The following HERC2 variants were observed in gnomAD, a reference collection of about 807,000 sequenced individuals.
HERC2 encodes the protein HECT and RLD domain containing E3 ubiquitin protein ligase 2.
In HERC2, 102 loss-of-function variants were observed where a neutral mutation model predicts 537.7. The observed-to-expected ratio is 0.19, with a 90% CI of 0.16 to 0.22. The LOEUF (loss-of-function observed/expected upper bound fraction) is 0.22, where lower values mean the gene tolerates loss of function less well. Ranked by LOEUF, HERC2 falls within the 10% of genes least tolerant of loss-of-function variation. HERC2 has a pLI of 1.00. For missense variants in HERC2, 4,236 were observed against 6,198.2 expected (o/e 0.68, Z 10.63); for synonymous variants, 2,224 against 2,466.2 (o/e 0.90, Z 2.91).
intron 26 of HERC2, among the ~76,000 whole-genome samples, chr15:28,236,004 A>G (rs1902398726): frequency 6.6e-6 from 1 of 152,218 alleles, no homozygotes; most frequent in Non-Finnish European, 1.5e-5. Flanking sequence ...CTGGTCTGGT[A>G]AAAACACAGT....
chr15:28,142,997 CG>C, intron 74 of HERC2, 45 bp from the exon 75 acceptor site: 1 of 1,592,238 alleles, frequency 6.3e-7, no homozygotes. Flanking sequence ...ATCCAGGTGC[CG>C]GGGAGGCTGA....
At position 28,238,790 on chromosome 15, in the gene HERC2, A is replaced by G. The variant is rs559498148; in HGVS notation, c.3578-18T>C. On this transcript the variant is annotated intron_variant, in intron 23 of 92. Coordinates refer to ENST00000261609, the MANE Select transcript of HERC2 (RefSeq NM_004667.6). ...AAATGACTCTGTATATACAGAAACC[A>G]GAATCAGTCCATTGATCAATCAACA... 47 of 1,570,410 alleles carry G rather than the reference A, an allele frequency of 3.0e-5. No homozygotes were observed. The highest frequency in any genetic ancestry group is 3.8e-5 in the Non-Finnish European group (43 of 1,141,990).
intron 14 of HERC2, among the ~76,000 whole-genome samples, chr15:28,264,035 AAAAC>A (rs1316433192): frequency 8.6e-5 from 13 of 151,254 alleles, no homozygotes; most frequent in Admixed American, 2.6e-4. Context: ...AAAAAAAAAA[AAAAC>A]AAACAAAAAC....
chr15:28,211,655 A>C (rs907069863), intron 43 of HERC2, among the ~76,000 whole-genome samples: 1 of 152,052 alleles, frequency 6.6e-6, no homozygotes, highest in African/African-American at 2.4e-5. Flanking sequence ...TGGCTCAACT[A>C]ACTGGCAGAC....
chr15:28,157,847 A>G (rs563518607), intron 69 of HERC2, among the ~76,000 whole-genome samples: 1 of 152,136 alleles, frequency 6.6e-6, no homozygotes, highest in South Asian at 2.1e-4. Context: ...TGTCAATTTT[A>G]GATCTTTCCT....
intron 45 of HERC2, among the ~76,000 whole-genome samples, chr15:28,205,052 T>C (rs575768971): frequency 0.015 from 2,251 of 150,098 alleles, 50 homozygotes; most frequent in African/African-American, 0.052. Context: ...GCCACCATTG[T>C]ATACATGAGC....
intron 69 of HERC2, among the ~76,000 whole-genome samples, chr15:28,155,667 T>G (rs1379678286): frequency 6.6e-6 from 1 of 151,814 alleles, no homozygotes; most frequent in Non-Finnish European, 1.5e-5. Context: ...TATTAGACCT[T>G]TGTCAGATGA....
chr15:28,124,505 G>T (rs939130460), intron 84 of HERC2, among the ~76,000 whole-genome samples: 1 of 152,188 alleles, frequency 6.6e-6, no homozygotes, highest in African/African-American at 2.4e-5. Flanking sequence ...TTTGGTGTGG[G>T]TTATAAGATA....
At chr15:28,281,155 G>T (rs2076010852) in intron 4 of HERC2, among the ~76,000 whole-genome samples, 1 of 152,100 alleles carries the variant, frequency 6.6e-6, no homozygotes, top group Admixed American at 6.6e-5. Flanking sequence ...GTGAGTAAGT[G>T]ATATTTCATT....
At chr15:28,180,207 C>T (rs1365131460) in intron 57 of HERC2, among the ~76,000 whole-genome samples, 6 of 152,124 alleles carry the variant, frequency 3.9e-5, no homozygotes, top group Non-Finnish European at 8.8e-5. Flanking sequence ...ACACACATGC[C>T]ACTGAGTTAC....
chr15:28,287,455 A>G (rs2076186948), intron 4 of HERC2, among the ~76,000 whole-genome samples: 1 of 152,142 alleles, frequency 6.6e-6, no homozygotes. Context: ...GCTGGGCTTT[A>G]ATCTGAGCAA....
rs147678868 is a variant in HERC2 at position 28,272,251 on chromosome 15, G to A, written c.1047C>T (p.Cys349=). Reference sequence around the variant, plus strand: ...CCTCGGAGTGGGGTGCATCCTTCCTGCAAATGATGCTCTGGAACCTTTGCA... The same window carrying A: ...CCTCGGAGTGGGGTGCATCCTTCCTACAAATGATGCTCTGGAACCTTTGCA... ...PLLQRFQSII[C]RKDAPHSEGD... The change falls in exon 9 of 93, where the codon TGC becomes TGT. Residue 349 remains cysteine (C), a synonymous_variant. Coordinates refer to ENST00000261609, the MANE Select transcript of HERC2 (RefSeq NM_004667.6). 3.7e-6 allele frequency: 6 copies of A among 1,610,664 alleles called. No individual in the cohort carries two copies. The highest frequency in any genetic ancestry group is 5.1e-6 in the Non-Finnish European group (6 of 1,178,850).
intron 4 of HERC2, among the ~76,000 whole-genome samples, chr15:28,286,968 CA>C (rs1238427689): frequency 1.3e-5 from 2 of 152,002 alleles, no homozygotes; most frequent in Non-Finnish European, 2.9e-5. Context: ...AATAGAGGGA[CA>C]AAAAAGTGGA....
intron 7 of HERC2, 47 bp downstream of exon 7, chr15:28,274,244 G>A (rs748298060): frequency 3.1e-6 from 5 of 1,599,396 alleles, no homozygotes; most frequent in African/African-American, 1.3e-5. Flanking sequence ...CCAGCCTCAA[G>A]CAGGCCAGCT....
intron 85 of HERC2, 27 bp downstream of exon 85, chr15:28,124,010 C>A: frequency 6.5e-7 from 1 of 1,546,908 alleles, no homozygotes; most frequent in Non-Finnish European, 8.8e-7. Flanking sequence ...CCAGTTTCCC[C>A]TAGAGCAAAG....
chr15:28,124,123 C>A lies in HERC2; in HGVS notation c.13102G>T (p.Asp4368Tyr). The A allele has an allele frequency of 6.2e-7, 1 of 1,606,014 alleles. No individual in the cohort carries two copies. The highest frequency in any genetic ancestry group is 1.1e-5 in the South Asian group (1 of 89,824). Reference sequence around the variant, plus strand: ...GTTTCGTCGAGCGAGCCTTCCAGGTCGAACATGGGGATGCAGGGGCAGAAG... The same window carrying A: ...GTTTCGTCGAGCGAGCCTTCCAGGTAGAACATGGGGATGCAGGGGCAGAAG... ...ELFCPCIPMF[D>Y]LEGSLDETGL... Residue 4368 changes from aspartate to tyrosine, a missense_variant, in exon 85 of 93, where the codon GAC becomes TAC. By Grantham distance (160) the Asp-to-Tyr change is radical (BLOSUM62 -3). This residue lies in a region of HERC2 where 189 missense variants were observed against 255.7 expected (regional missense o/e 0.74). Transcript: ENST00000261609.
At chr15:28,189,086 CAAAAAAAA>C (rs1393335547) in intron 55 of HERC2, among the ~76,000 whole-genome samples, 1 of 151,356 alleles carries the variant, frequency 6.6e-6, no homozygotes, top group African/African-American at 2.4e-5. Flanking sequence ...GACTCAGTCT[CAAAAAAAA>C]GAAAAGAAAA....
At chr15:28,195,132 T>A (rs1448045286) in intron 52 of HERC2, among the ~76,000 whole-genome samples, 1 of 151,938 alleles carries the variant, frequency 6.6e-6, no homozygotes, top group East Asian at 1.9e-4. Context: ...AGAACTAAGG[T>A]TTTTGCATTG....
chr15:28,301,011 GTC>G (rs2076608849), intron 2 of HERC2, among the ~76,000 whole-genome samples: 1 of 151,730 alleles, frequency 6.6e-6, no homozygotes, highest in African/African-American at 2.4e-5. Context: ...CCAGATTTTG[GTC>G]TCTCAGAACC....
Sources: allele counts gnomAD v4.1 joint callset (sites outside exome capture counted in the v4.1 genomes callset), GRCh38; gene constraint gnomAD v4.1.1; regional missense constraint gnomAD v4.1.1; transcripts MANE v1.5; gene names NCBI Gene and HGNC (gene_info 2026-07-23, HGNC 2026-07-21).